The following NKAIN2 variants were observed in gnomAD, a reference collection of about 807,000 sequenced individuals.
The protein encoded by NKAIN2 is sodium/potassium-transporting ATPase subunit beta-1-interacting protein 2.
Under a neutral mutation model 32.6 loss-of-function variants are expected in NKAIN2, and 14 were observed. The ratio of observed to expected loss-of-function variants is 0.43; its 90% CI spans 0.28 to 0.67. The LOEUF (loss-of-function observed/expected upper bound fraction) is 0.67, where lower values mean the gene tolerates loss of function less well. Ranked by LOEUF, NKAIN2 falls within the 30% of genes least tolerant of loss-of-function variation. NKAIN2 has a pLI of 0.17. For synonymous variants in NKAIN2, 80 were observed against 87.2 expected (o/e 0.92, Z 0.46); for missense variants, 198 against 258.3 (o/e 0.77, Z 1.60).
chr6:124,104,434 G>A (rs1310898588), intron 1 of NKAIN2, among the ~76,000 whole-genome samples: 3 of 152,060 alleles, frequency 2.0e-5, no homozygotes, highest in African/African-American at 7.2e-5. Context: ...ATCAAGAATG[G>A]TATATTTTTA....
At chr6:124,647,185 G>C (rs1784204564) in intron 3 of NKAIN2, among the ~76,000 whole-genome samples, 1 of 151,616 alleles carries the variant, frequency 6.6e-6, no homozygotes, top group Non-Finnish European at 1.5e-5. Context: ...TGAAGAAGAA[G>C]TGAAGAAAGT....
chr6:124,367,136 T>C (rs772803236), intron 3 of NKAIN2, among the ~76,000 whole-genome samples: 2 of 152,152 alleles, frequency 1.3e-5, no homozygotes, highest in Non-Finnish European at 2.9e-5. Context: ...TGAGGAATTA[T>C]AGAATCAGTT....
At chr6:124,167,054 G>GAA (rs1346007355) in intron 1 of NKAIN2, among the ~76,000 whole-genome samples, 1 of 146,802 alleles carries the variant, frequency 6.8e-6, no homozygotes, top group East Asian at 2.0e-4. Context: ...ATTCTGTGAA[G>GAA]AAAGTCATTG....
intron 1 of NKAIN2, among the ~76,000 whole-genome samples, chr6:124,180,366 A>T (rs1434142037): frequency 6.6e-6 from 1 of 151,420 alleles, no homozygotes; most frequent in Middle Eastern, 3.2e-3. Flanking sequence ...GTGTAGGGGA[A>T]CTCCCCTTCA....
chr6:123,832,495 C>T (rs1233487799), intron 1 of NKAIN2, among the ~76,000 whole-genome samples: 2 of 152,072 alleles, frequency 1.3e-5, no homozygotes, highest in Admixed American at 6.6e-5. Context: ...TGCCAAGAAG[C>T]GCAATTTTTG....
chr6:124,235,090 A>G (rs1792677277), intron 1 of NKAIN2, among the ~76,000 whole-genome samples: 1 of 152,164 alleles, frequency 6.6e-6, no homozygotes, highest in Admixed American at 6.6e-5. Flanking sequence ...TTGTTCTATA[A>G]TCTTCACTTA....
At chr6:124,658,535 G>A in intron 4 of NKAIN2, 149 bp downstream of exon 4, 2 of 1,480,662 alleles carry the variant, frequency 1.4e-6, no homozygotes, top group Non-Finnish European at 9.0e-7. Context: ...GAAATCCTCA[G>A]GTTAAACTAA....
At chr6:124,564,802 A>G (rs1484892215) in intron 3 of NKAIN2, among the ~76,000 whole-genome samples, 3 of 152,164 alleles carry the variant, frequency 2.0e-5, no homozygotes, top group East Asian at 1.9e-4. Context: ...TTTACAGTTG[A>G]TGTGTTTATT....
intron 3 of NKAIN2, among the ~76,000 whole-genome samples, chr6:124,461,722 C>T (rs979315558): frequency 7.9e-5 from 12 of 151,872 alleles, no homozygotes; most frequent in Non-Finnish European, 1.0e-4. Context: ...GGCTAGTGCA[C>T]TCATTGAAGG....
At chr6:124,255,325 C>T (rs1467923713) in intron 1 of NKAIN2, among the ~76,000 whole-genome samples, 2 of 152,082 alleles carry the variant, frequency 1.3e-5, no homozygotes, top group Admixed American at 6.6e-5. Flanking sequence ...TGCTCATATA[C>T]CAGAATTTGT....
chr6:124,176,193 A>T (rs188662875), intron 1 of NKAIN2, among the ~76,000 whole-genome samples: 2 of 152,218 alleles, frequency 1.3e-5, no homozygotes, highest in Non-Finnish European at 2.9e-5. Flanking sequence ...ATTGTAAAAA[A>T]GATGCTGACA....
chr6:123,991,951 A>G (rs1385455520), intron 1 of NKAIN2, among the ~76,000 whole-genome samples: 2 of 152,258 alleles, frequency 1.3e-5, no homozygotes, highest in African/African-American at 4.8e-5. Flanking sequence ...ATTTTCTTCT[A>G]TAGGTTGGCT....
intron 1 of NKAIN2, among the ~76,000 whole-genome samples, chr6:124,219,027 G>A (rs983776845): frequency 1.3e-5 from 2 of 151,872 alleles, no homozygotes; most frequent in Non-Finnish European, 2.9e-5. Flanking sequence ...ACTTCCAAAC[G>A]CTTACTGGGG....
At chr6:124,687,937 G>T (rs1018952425) in intron 4 of NKAIN2, among the ~76,000 whole-genome samples, 2 of 151,510 alleles carry the variant, frequency 1.3e-5, no homozygotes, top group South Asian at 4.2e-4. Flanking sequence ...TAAACATCCT[G>T]CCTTTTTATC....
intron 3 of NKAIN2, among the ~76,000 whole-genome samples, chr6:124,594,108 T>G (rs141414396): frequency 9.0e-4 from 137 of 152,308 alleles, no homozygotes; most frequent in Non-Finnish European, 1.5e-3. Flanking sequence ...AAAGTTGAGT[T>G]AGGAGTGGGT....
intron 1 of NKAIN2, among the ~76,000 whole-genome samples, chr6:123,952,376 A>G (rs1008839250): frequency 4.6e-5 from 7 of 152,036 alleles, no homozygotes; most frequent in African/African-American, 1.4e-4. Context: ...GCCACAGAGA[A>G]AGTTGCATTG....
At chr6:124,136,009 G>GA (rs1194776294) in intron 1 of NKAIN2, among the ~76,000 whole-genome samples, 2 of 150,328 alleles carry the variant, frequency 1.3e-5, no homozygotes, top group South Asian at 2.1e-4. Context: ...AAACCCAGCA[G>GA]AAAAAAAGCA....
intron 4 of NKAIN2, among the ~76,000 whole-genome samples, chr6:124,781,939 C>A (rs910118380): frequency 5.9e-5 from 9 of 152,170 alleles, no homozygotes; most frequent in South Asian, 2.1e-4. Context: ...CATTTTATTC[C>A]CCTGGAGGGT....
At chr6:124,612,773 G>A (rs1782740698) in intron 3 of NKAIN2, among the ~76,000 whole-genome samples, 1 of 152,126 alleles carries the variant, frequency 6.6e-6, no homozygotes, top group Non-Finnish European at 1.5e-5. Flanking sequence ...CCAAAACTAA[G>A]TAGAAATCTT....
Sources: gnomAD v4.1 joint callset for allele counts (sites outside exome capture counted in the v4.1 genomes callset) on GRCh38, gnomAD v4.1.1 for gene constraint, MANE v1.5 for transcripts, NCBI Gene and HGNC (gene_info 2026-07-23, HGNC 2026-07-21) for gene names.